Variants in STAT4 observed in about 807,000 individuals in gnomAD.
STAT4 encodes the protein signal transducer and activator of transcription 4.
A neutral mutation model predicts 110.5 loss-of-function variants in STAT4; 42 were observed. That is an observed-to-expected ratio of 0.38 (90% CI 0.30 to 0.49). STAT4 has a LOEUF of 0.49. STAT4 is among the 20% of genes least tolerant of loss of function. The pLI is 0.95. For missense variants in STAT4, 632 were observed against 887.9 expected, an observed-to-expected ratio of 0.71 and a Z score of 3.66; for synonymous variants, 284 against 302.2, an observed-to-expected ratio of 0.94 and a Z score of 0.63.
chr2:191,078,444 G>A (rs965703650), intron 3 of STAT4, among the ~76,000 whole-genome samples: 9 of 152,080 alleles, frequency 5.9e-5, no homozygotes, highest in African/African-American at 1.9e-4. Flanking sequence ...AATCACCGCT[G>A]TTTTCATCCA....
At chr2:191,096,512 C>T (rs139193889) in intron 3 of STAT4, among the ~76,000 whole-genome samples, 51 of 152,258 alleles carry the variant, frequency 3.3e-4, no homozygotes, top group African/African-American at 1.1e-3. Flanking sequence ...GAACCAGTGA[C>T]AAAAACCACA....
intron 13 of STAT4, among the ~76,000 whole-genome samples, chr2:191,057,744 G>A (rs3024867): frequency 5.3e-5 from 8 of 151,082 alleles, no homozygotes; most frequent in African/African-American, 1.7e-4. Context: ...GATTACAGGC[G>A]CCTGCCACCA....
At chr2:191,048,015 T>C (rs1472750231) in intron 14 of STAT4, among the ~76,000 whole-genome samples, 3 of 152,202 alleles carry the variant, frequency 2.0e-5, no homozygotes, top group Non-Finnish European at 2.9e-5. Flanking sequence ...TCAGTACTGA[T>C]AGCTTCCTCA....
chr2:191,132,861 T>C (rs1391661062), intron 3 of STAT4, among the ~76,000 whole-genome samples: 1 of 151,014 alleles, frequency 6.6e-6, no homozygotes, highest in African/African-American at 2.5e-5. Context: ...TTCACGCAAT[T>C]CTCCTTCCTC....
intron 7 of STAT4, 65 bp from the exon 8 acceptor site, chr2:191,065,023 C>A (rs1696949662): frequency 1.4e-6 from 2 of 1,427,178 alleles, no homozygotes; most frequent in Admixed American, 5.5e-5. Context: ...ATTCAATTTA[C>A]AAAACTATTT....
intron 3 of STAT4, among the ~76,000 whole-genome samples, chr2:191,106,678 A>AAAAT (rs1373350215): frequency 2.0e-5 from 3 of 150,712 alleles, no homozygotes; most frequent in Non-Finnish European, 4.4e-5. Flanking sequence ...AAAATAAAAT[A>AAAAT]AAATAAAATA....
rs1459012648 is a variant in STAT4, at chr2:191,035,178, G to C, written c.1571-581C>G. On this transcript the variant is annotated intron_variant, in intron 17 of 23. Transcript: ENST00000392320. The surrounding 1 kb of genome is among the most constrained non-coding windows in gnomAD (Gnocchi z 4.7). ...GACATTATACTCATAAGAATAATTT[G>C]ATAAAGGTCTGAAAGGATATGGTTT... Among the ~76,000 whole-genome samples, 2 of 152,182 alleles carry C rather than the reference G, an allele frequency of 1.3e-5. No homozygotes were observed. Among genetic ancestry groups the C allele is most frequent in the African/African-American group, 4.8e-5 (2 of 41,452 alleles).
In STAT4 at chr2:191,111,157, G is replaced by A. The variant is rs140218845; in HGVS notation, c.274-34832C>T. Among the ~76,000 whole-genome samples the A allele has an allele frequency of 3.9e-3, 592 of 152,308 alleles. 2 individuals carry two copies. Among genetic ancestry groups the A allele is most frequent in the African/African-American group, 0.014 (561 of 41,548 alleles). On this transcript the variant is annotated intron_variant, in intron 3 of 23. Transcript: ENST00000392320. ...AAAAGCAAAAATATAGATTTTATAT[G>A]CATGCATGCAAGAGTCAGGTTTCAA...
intron 1 of STAT4, among the ~76,000 whole-genome samples, chr2:191,149,383 AG>A (rs1448477785): frequency 6.6e-6 from 1 of 152,198 alleles, no homozygotes; most frequent in African/African-American, 2.4e-5. Flanking sequence ...GTTTTGCTAA[AG>A]AGAAAGCAAG....
intron 3 of STAT4, among the ~76,000 whole-genome samples, chr2:191,085,050 C>G (rs1342706490): frequency 6.7e-6 from 1 of 149,820 alleles, no homozygotes; most frequent in African/African-American, 2.4e-5. Flanking sequence ...TTTGAGTAAA[C>G]TACCAAAAAA....
chr2:191,029,863 T>G lies in STAT4; in HGVS notation c.2224A>C (p.Lys742Gln). The G allele has an allele frequency of 6.3e-7, 1 of 1,593,802 alleles. No homozygotes were observed. Among genetic ancestry groups the G allele is most frequent in the Non-Finnish European group, 8.5e-7 (1 of 1,172,376 alleles). ...TGTCATTCAGCAGAATAAGGAGACT[T>G]CATCTAAAATTAAAAATGAAAATAA... ...LSPTTIETAM[K>Q]SPYSAE Residue 742 changes from lysine (K) to glutamine (Q), a missense_variant, in exon 24 of 24, where the codon AAG becomes CAG. Lys to Gln is a moderately conservative substitution (Grantham distance 53). Around this residue, in one of 4 missense-constraint regions of STAT4, gnomAD observed 32 missense variants for 67.6 expected, o/e 0.47. Coordinates refer to ENST00000392320, the MANE Select transcript of STAT4 (RefSeq NM_003151.4). This position sits in a 1 kb window ranked among gnomAD's most constrained non-coding sequence, Gnocchi z 4.5.
At position 191,062,673 on chromosome 2, in the gene STAT4, C is replaced by T; in HGVS notation, c.941+89G>A. ...CTGAGGCTCGTTGTTGAATACTTCCCTGCCACTCTTCCACCTAAACACCAA... is the reference window on the plus strand; with the variant it reads ...CTGAGGCTCGTTGTTGAATACTTCCTTGCCACTCTTCCACCTAAACACCAA... On this transcript the variant is annotated intron_variant, in intron 9 of 23. Coordinates refer to ENST00000392320, the MANE Select transcript of STAT4 (RefSeq NM_003151.4). This position sits in a 1 kb window ranked among gnomAD's most constrained non-coding sequence, Gnocchi z 4.9. 1.4e-6 allele frequency: 2 copies of T among 1,446,982 alleles called. No individual in the cohort carries two copies. Among genetic ancestry groups the T allele is most frequent in the Non-Finnish European group, 1.9e-6 (2 of 1,048,398 alleles). 89.6% of individuals were successfully genotyped at this position (1,446,982 alleles called of 1,614,324 possible).
At chr2:191,111,968 T>A (rs954150750) in intron 3 of STAT4, among the ~76,000 whole-genome samples, 2 of 152,180 alleles carry the variant, frequency 1.3e-5, no homozygotes, top group Non-Finnish European at 2.9e-5. Flanking sequence ...TGCCTGGGGC[T>A]GGCAGGCAGA....
In STAT4 at chr2:191,030,984, T is replaced by G. The variant is rs779652985; in HGVS notation, c.2208A>C (p.Thr736=). The G allele has an allele frequency of 1.2e-6, 2 of 1,613,808 alleles. No homozygotes were observed. Among genetic ancestry groups the G allele is most frequent in the South Asian group, 2.2e-5 (2 of 91,080 alleles). ...AAAGGGAACATACTGCAGTTTCAATTGTTGTGGGACTCAGGTTTTCTCTCA... is the reference window on the plus strand; with the variant it reads ...AAAGGGAACATACTGCAGTTTCAATGGTTGTGGGACTCAGGTTTTCTCTCA... ...AVLRENLSPT[T]IETAMKSPYS... is the part of the protein sequence containing the mutation. Residue 736 remains threonine, a synonymous_variant, in exon 23 of 24, where the codon ACA becomes ACC. Transcript: ENST00000392320. The surrounding 1 kb of genome is among the most constrained non-coding windows in gnomAD (Gnocchi z 4.4).
Position 191,031,054 on chromosome 2 carries a change from G to A in STAT4, c.2138C>T (p.Ser713Phe). The change falls in exon 23 of 24, where the codon TCT (serine) becomes TTT (phenylalanine). Residue 713 changes from serine to phenylalanine, a missense_variant. Ser to Phe is a radical substitution (Grantham distance 155). This residue lies in a region of STAT4 where 32 missense variants were observed against 67.6 expected (regional missense o/e 0.47). Transcript: ENST00000392320. The surrounding 1 kb of genome is among the most constrained non-coding windows in gnomAD (Gnocchi z 4.8). ...TIRSDSTEPH[S>F]PSDLLPMSPS... ...AGACATGGGAAGAAGGTCTGATGGA[G>A]AATGTGGCTCTGTTGAATCACTTCG... 6.2e-7 allele frequency: 1 copy of A among 1,614,008 alleles called. No homozygotes were observed. The highest frequency in any genetic ancestry group is 1.3e-5 in the African/African-American group (1 of 75,038).
At position 191,037,938 on chromosome 2, in the gene STAT4, G is replaced by A. The variant is rs1480855353; in HGVS notation, c.1434+1261C>T. Among the ~76,000 whole-genome samples the A allele has an allele frequency of 6.6e-6, 1 of 152,202 alleles. No individual in the cohort carries two copies. The highest frequency in any genetic ancestry group is 1.5e-5 in the Non-Finnish European group (1 of 68,036). ...TTTAGACTGGTTCTGTAACTAGGCT[G>A]TGAATCTGTGTTTTAGGAGCTGTAT... On this transcript the variant is annotated intron_variant, in intron 16 of 23. Coordinates refer to ENST00000392320, the MANE Select transcript of STAT4 (RefSeq NM_003151.4). The surrounding 1 kb of genome is among the most constrained non-coding windows in gnomAD (Gnocchi z 4.8).
rs1697341377 is a variant in STAT4, at chr2:191,077,237, C to T, written c.274-912G>A. Among the ~76,000 whole-genome samples, 1 of 152,100 alleles carries T rather than the reference C, an allele frequency of 6.6e-6. No homozygotes were observed. Among genetic ancestry groups the T allele is most frequent in the South Asian group, 2.1e-4 (1 of 4,826 alleles). On this transcript the variant is annotated intron_variant, in intron 3 of 23. Coordinates refer to ENST00000392320, the MANE Select transcript of STAT4 (RefSeq NM_003151.4). The surrounding 1 kb of genome is among the most constrained non-coding windows in gnomAD (Gnocchi z 4.1). ...TGGTGCAAATTAAAATACTGGAATC[C>T]CTTTGGAGAAAGTATGTACTACCCA...
intron 13 of STAT4, among the ~76,000 whole-genome samples, chr2:191,055,510 C>T (rs1411139436): frequency 1.3e-5 from 2 of 151,008 alleles, no homozygotes; most frequent in African/African-American, 2.5e-5. Context: ...TGAGCCACTG[C>T]GCCAGGCTAA....
In STAT4 at chr2:191,034,430, A is replaced by C. The variant is rs1574693867; in HGVS notation, c.1620+118T>G. On this transcript the variant is annotated intron_variant, in intron 18 of 23. Coordinates refer to ENST00000392320, the MANE Select transcript of STAT4 (RefSeq NM_003151.4). ...AGAGCAAGACTCTATCTCAAAAAAA[A>C]AAAAAAAAGAAAAATTCTTATCTGG... The C allele has an allele frequency of 7.0e-6, 6 of 857,502 alleles. No individual in the cohort carries two copies. The East Asian group carries it at 1.6e-4, about 23-fold the overall frequency. 53.1% of individuals were successfully genotyped at this position (857,502 alleles called of 1,614,324 possible). A position where few individuals can be genotyped will look rare whatever the true frequency, so the allele number is the denominator to read the frequency against.
Sources: gnomAD v4.1 joint callset for allele counts (sites outside exome capture counted in the v4.1 genomes callset) on GRCh38, gnomAD v4.1.1 for gene constraint, gnomAD v4.1.1 regional missense constraint, Gnocchi (gnomAD v3.1) non-coding constraint, MANE v1.5 for transcripts, NCBI Gene and HGNC (gene_info 2026-07-23, HGNC 2026-07-21) for gene names.